The following EPM2A variants were observed in gnomAD, a reference collection of about 807,000 sequenced individuals.
EPM2A encodes the protein laforin.
A neutral mutation model predicts 26.5 loss-of-function variants in EPM2A; 21 were observed. That is an observed-to-expected ratio of 0.79 (90% CI 0.56 to 1.14). The LOEUF (loss-of-function observed/expected upper bound fraction) is 1.14, where lower values mean the gene tolerates loss of function less well. Ranked by LOEUF, EPM2A falls within the 50% of genes most tolerant of loss-of-function variation. The pLI is 0.00. For synonymous variants in EPM2A, 217 were observed against 177.6 expected (o/e 1.22, Z -1.76); for missense variants, 458 against 440.8 (o/e 1.04, Z -0.35).
intron 2 of EPM2A, among the ~76,000 whole-genome samples, chr6:145,506,308 C>A (rs1472676373): frequency 6.6e-6 from 1 of 152,134 alleles, no homozygotes; most frequent in Non-Finnish European, 1.5e-5. Flanking sequence ...AAAGAATTTG[C>A]AATAATTATT....
intron 2 of EPM2A, among the ~76,000 whole-genome samples, chr6:145,563,387 C>T (rs541571246): frequency 2.0e-5 from 3 of 151,916 alleles, no homozygotes; most frequent in African/African-American, 4.8e-5. Context: ...CAAAAGCCCA[C>T]GGTGGTGAAA....
At position 145,626,435 on chromosome 6, in the gene EPM2A, A is replaced by G. The variant is rs1775812962; in HGVS notation, c.*981T>C. 5.1e-6 allele frequency: 5 copies of G among 985,942 alleles called. No homozygotes were observed. Among genetic ancestry groups the G allele is most frequent in the Non-Finnish European group, 6.0e-6 (5 of 829,966 alleles). 61.1% of individuals were successfully genotyped at this position (985,942 alleles called of 1,614,324 possible). On this transcript the variant is annotated 3_prime_UTR_variant, in exon 4 of 4. Transcript: ENST00000367519. ...TTCCACTCTGGTCTTAAAACAGCCC[A>G]TCATGTTTTTAAATTAGCTTGCACA...
chr6:145,516,572 T>G (rs1582816650), intron 2 of EPM2A, among the ~76,000 whole-genome samples: 1 of 152,126 alleles, frequency 6.6e-6, no homozygotes, highest in Admixed American at 6.5e-5. Flanking sequence ...GACTATGAGA[T>G]AGTTTTAAGT....
intron 2 of EPM2A, among the ~76,000 whole-genome samples, chr6:145,517,398 C>T (rs560365345): frequency 2.0e-5 from 3 of 152,072 alleles, no homozygotes; most frequent in South Asian, 2.1e-4. Context: ...CACAAACAAA[C>T]AAAAAGGGTC....
At chr6:145,426,333 G>A (rs1287766780) in intron 4 of EPM2A, among the ~76,000 whole-genome samples, 1 of 152,130 alleles carries the variant, frequency 6.6e-6, no homozygotes, top group Non-Finnish European at 1.5e-5. Flanking sequence ...ATTCCAGTAG[G>A]CTCCTAAAAA....
At position 145,394,284 on chromosome 6, in the gene EPM2A, C is replaced by T. The variant is rs1778376727; in HGVS notation, c.556-10187G>A. Among the ~76,000 whole-genome samples the T allele has an allele frequency of 2.0e-5, 3 of 152,236 alleles. No homozygotes were observed. The South Asian group carries it at 6.2e-4, about 32-fold the overall frequency. On this transcript the variant is annotated intron_variant, in intron 4 of 4. Coordinates refer to the EPM2A transcript ENST00000638717. ...TTCCAGAGGTCTATCCTTTGGACAT[C>T]TTGACCACTGACCTTACTCATGTCT...
intron 4 of EPM2A, among the ~76,000 whole-genome samples, chr6:145,403,090 T>C (rs1211354103): frequency 6.6e-6 from 1 of 152,124 alleles, no homozygotes; most frequent in Non-Finnish European, 1.5e-5. Context: ...TTTTAAAATA[T>C]TTTAAAACTT....
chr6:145,483,119 T>C (rs1010151809), intron 4 of EPM2A, among the ~76,000 whole-genome samples: 2 of 149,960 alleles, frequency 1.3e-5, no homozygotes, highest in African/African-American at 4.9e-5. Context: ...CATCAAAGTT[T>C]CTTTCTTTTT....
chr6:145,613,811 G>T (rs1037465260), intron 2 of EPM2A, among the ~76,000 whole-genome samples: 1 of 152,112 alleles, frequency 6.6e-6, no homozygotes, highest in Non-Finnish European at 1.5e-5. Context: ...AAGATTTGTT[G>T]TTTTATTTAT....
intron 2 of EPM2A, among the ~76,000 whole-genome samples, chr6:145,649,151 AC>A (rs1199572202): frequency 6.6e-6 from 1 of 152,186 alleles, no homozygotes; most frequent in Non-Finnish European, 1.5e-5. Flanking sequence ...CCCAGCTTTC[AC>A]AGTAATTCTC....
At chr6:145,551,933 G>A (rs1297422132) in intron 2 of EPM2A, among the ~76,000 whole-genome samples, 1 of 151,020 alleles carries the variant, frequency 6.6e-6, no homozygotes, top group Non-Finnish European at 1.5e-5. Context: ...TTCTAGATTC[G>A]ATATAGAACC....
chr6:145,413,201 T>C (rs1006369735), intron 4 of EPM2A, among the ~76,000 whole-genome samples: 2 of 152,208 alleles, frequency 1.3e-5, no homozygotes, highest in Non-Finnish European at 2.9e-5. Context: ...ATACAGAGAA[T>C]GTCTACAGGG....
chr6:145,662,495 G>C (rs530232251), intron 2 of EPM2A, among the ~76,000 whole-genome samples: 1 of 152,218 alleles, frequency 6.6e-6, no homozygotes, highest in Non-Finnish European at 1.5e-5. Context: ...GGTAAACTTA[G>C]GATTGATTAT....
chr6:145,732,077 C>A (rs542015468), intron 1 of EPM2A, among the ~76,000 whole-genome samples: 1 of 152,204 alleles, frequency 6.6e-6, no homozygotes, highest in African/African-American at 2.4e-5. Flanking sequence ...TTTACCATTT[C>A]TTGAAAATTT....
At chr6:145,471,692 G>A (rs924638930) in intron 4 of EPM2A, among the ~76,000 whole-genome samples, 1 of 152,114 alleles carries the variant, frequency 6.6e-6, no homozygotes, top group Non-Finnish European at 1.5e-5. Context: ...CACCCATACA[G>A]GGAGAATTTA....
intron 2 of EPM2A, among the ~76,000 whole-genome samples, chr6:145,650,284 C>G (rs905513233): frequency 6.6e-6 from 1 of 152,132 alleles, no homozygotes; most frequent in African/African-American, 2.4e-5. Context: ...GGTGCGGTGG[C>G]TCACACCTAT....
intron 2 of EPM2A, among the ~76,000 whole-genome samples, chr6:145,667,958 A>G (rs1485215332): frequency 9.4e-5 from 14 of 148,702 alleles, no homozygotes; most frequent in Non-Finnish European, 2.1e-4. Flanking sequence ...GGTGGGAATT[A>G]AACAATGAGA....
intron 2 of EPM2A, among the ~76,000 whole-genome samples, chr6:145,578,107 CAAAA>C (rs1353995551): frequency 1.3e-5 from 2 of 151,400 alleles, no homozygotes; most frequent in African/African-American, 4.8e-5. Context: ...AGTAGAAAGA[CAAAA>C]AAACAACCTA....
At chr6:145,475,031 T>C (rs9399549) in intron 4 of EPM2A, among the ~76,000 whole-genome samples, 68,065 of 151,960 alleles carry the variant, frequency 0.45, 15,901 homozygotes, top group Non-Finnish European at 0.52. Context: ...GGAGTGTAAA[T>C]TAGTTCAATC....
Sources: gnomAD v4.1 joint callset for allele counts (sites outside exome capture counted in the v4.1 genomes callset) on GRCh38, gnomAD v4.1.1 for gene constraint, MANE v1.5 for transcripts, NCBI Gene and HGNC (gene_info 2026-07-23, HGNC 2026-07-21) for gene names.